HIRA: variants seen among roughly 807,000 people sequenced by gnomAD.
The protein encoded by HIRA is histone cell cycle regulator.
Under a neutral mutation model 126.6 loss-of-function variants are expected in HIRA, and 13 were observed. That is an observed-to-expected ratio of 0.10 (90% CI 0.07 to 0.16). The LOEUF is 0.16. Among genes scored for constraint, HIRA ranks in the 10% least tolerant of loss-of-function variants. HIRA has a pLI of 1.00. For synonymous variants in HIRA, 511 were observed against 520.0 expected (o/e 0.98, Z 0.24); for missense variants, 834 against 1,314.4 (o/e 0.63, Z 5.65).
At chr22:19,429,131 A>ATAT (rs2089510397) in intron 1 of HIRA, among the ~76,000 whole-genome samples, 1 of 119,508 alleles carries the variant, frequency 8.4e-6, no homozygotes, top group Non-Finnish European at 1.7e-5. Flanking sequence ...GAGTTGCCAT[A>ATAT]TCTTTTTTTT....
chr22:19,383,850 T>G, intron 12 of HIRA, 145 bp from the exon 13 acceptor site: 1 of 636,988 alleles, frequency 1.6e-6, no homozygotes, highest in South Asian at 1.9e-5. Context: ...GTATGCAATA[T>G]CATATTGTGA....
At chr22:19,334,723 C>G (rs1341675973) in intron 24 of HIRA, among the ~76,000 whole-genome samples, 2 of 151,986 alleles carry the variant, frequency 1.3e-5, no homozygotes, top group African/African-American at 2.4e-5. Context: ...ACCCGGCAGT[C>G]CTTTTACTTT....
Position 19,354,040 on chromosome 22 carries a change from C to T in HIRA, c.2640G>A (p.Met880Ile). 6.2e-7 allele frequency: 1 copy of T among 1,613,512 alleles called. No individual in the cohort carries two copies. The highest frequency in any genetic ancestry group is 1.1e-5 in the South Asian group (1 of 90,838). The change falls in exon 22 of 25, where the codon ATG becomes ATA. Residue 880 changes from methionine to isoleucine, a missense_variant. Coordinates refer to ENST00000263208, the MANE Select transcript of HIRA (RefSeq NM_003325.4). ...FRSSLPSQDA[M>I]LCSGPLAIIQ... ...TTATGGCTAACGGTCCTGAGCACAG[C>T]ATGGCGTCCTGGGATGGCAGGCTGC...
intron 21 of HIRA, among the ~76,000 whole-genome samples, 189 bp from the exon 22 acceptor site, chr22:19,354,307 G>A (rs2088789193): frequency 6.6e-6 from 1 of 152,208 alleles, no homozygotes; most frequent in African/African-American, 2.4e-5. Context: ...ATGGTAATGG[G>A]TCTGATAGAT....
intron 22 of HIRA, 100 bp from the exon 23 acceptor site, chr22:19,353,619 G>A (rs1037332703): frequency 2.6e-5 from 32 of 1,247,038 alleles, no homozygotes; most frequent in Non-Finnish European, 3.3e-5. Context: ...CAGGAGGCAG[G>A]CACCAGGGCT....
intron 23 of HIRA, among the ~76,000 whole-genome samples, chr22:19,352,288 G>A (rs2088766537): frequency 6.6e-6 from 1 of 152,052 alleles, no homozygotes. Context: ...CAGGGCATCA[G>A]AGCAAGTCCC....
chr22:19,408,486 A>T lies in HIRA; in HGVS notation c.208T>A (p.Leu70Ile). ...PKMLCQMDNH[L>I]ACVNCVRWSN... ...GCAAAGGGCCACTCTGTAATACCTAAGTGATTGTCCATCTGGCAAAGCATC... is the reference window on the plus strand; with the variant it reads ...GCAAAGGGCCACTCTGTAATACCTATGTGATTGTCCATCTGGCAAAGCATC... Residue 70 changes from leucine to isoleucine, a missense_variant, in exon 3 of 25, where the codon TTA becomes ATA. Leu to Ile is a conservative substitution (Grantham distance 5). Coordinates refer to ENST00000263208, the MANE Select transcript of HIRA (RefSeq NM_003325.4). 1 of 1,599,024 alleles carries T rather than the reference A, an allele frequency of 6.3e-7. No individual in the cohort carries two copies. Among genetic ancestry groups the T allele is most frequent in the Non-Finnish European group, 8.6e-7 (1 of 1,166,286 alleles).
intron 9 of HIRA, among the ~76,000 whole-genome samples, chr22:19,389,897 T>C (rs1418598965): frequency 6.6e-6 from 1 of 150,602 alleles, no homozygotes; most frequent in Non-Finnish European, 1.5e-5. Flanking sequence ...CACAGTAATA[T>C]ATTTCTCTAT....
chr22:19,391,823 C>A (rs148989966), intron 9 of HIRA, among the ~76,000 whole-genome samples: 33 of 152,300 alleles, frequency 2.2e-4, no homozygotes, highest in African/African-American at 7.7e-4. Context: ...ACATGCTGCT[C>A]ATGGCATTGA....
intron 1 of HIRA, among the ~76,000 whole-genome samples, chr22:19,418,425 C>A (rs2089416529): frequency 6.6e-6 from 1 of 151,502 alleles, no homozygotes. Flanking sequence ...GAGATTGAGA[C>A]CATCCTGACT....
chr22:19,422,932 C>T (rs1159459040), intron 1 of HIRA, among the ~76,000 whole-genome samples: 1 of 152,126 alleles, frequency 6.6e-6, no homozygotes, highest in Non-Finnish European at 1.5e-5. Flanking sequence ...GCCCTGGTCT[C>T]CCACCCCAAT....
At chr22:19,343,990 G>A (rs2088660758) in intron 24 of HIRA, among the ~76,000 whole-genome samples, 1 of 150,920 alleles carries the variant, frequency 6.6e-6, no homozygotes, top group South Asian at 2.2e-4. Context: ...GGGATTACAG[G>A]TGTGAGCCAC....
chr22:19,403,800 T>C (rs1364551079), intron 5 of HIRA, among the ~76,000 whole-genome samples: 1 of 152,236 alleles, frequency 6.6e-6, no homozygotes, highest in Non-Finnish European at 1.5e-5. Flanking sequence ...AATATTGCTA[T>C]TGTTCTGTAT....
intron 24 of HIRA, among the ~76,000 whole-genome samples, chr22:19,337,843 G>C (rs1282151549): frequency 1.3e-5 from 2 of 152,230 alleles, no homozygotes; most frequent in East Asian, 3.9e-4. Context: ...CCAGGCTGGA[G>C]TGCAGTGGTG....
intron 15 of HIRA, among the ~76,000 whole-genome samples, chr22:19,372,515 C>T (rs113287771): frequency 1.2e-4 from 18 of 151,280 alleles, no homozygotes; most frequent in African/African-American, 4.4e-4. Flanking sequence ...TATTTTCTCC[C>T]ATTCTGTAGG....
In HIRA at chr22:19,351,545, C is replaced by G; in HGVS notation, c.2849-99G>C. ...TAAAATCAAGAATATGTTGTTGTGTCTATCAAATCAGAATAAACACATGCG... is the reference window on the plus strand; with the variant it reads ...TAAAATCAAGAATATGTTGTTGTGTGTATCAAATCAGAATAAACACATGCG... On this transcript the variant is annotated intron_variant, in intron 23 of 24. Transcript: ENST00000263208. This position sits in a 1 kb window ranked among gnomAD's most constrained non-coding sequence, Gnocchi z 4.8. The G allele has an allele frequency of 1.0e-6, 1 of 960,830 alleles. No homozygotes were observed. Among genetic ancestry groups the G allele is most frequent in the Non-Finnish European group, 1.6e-6 (1 of 626,632 alleles). The allele number at this position is 960,830 out of a possible 1,614,324, so 59.5% of individuals were successfully genotyped here.
intron 8 of HIRA, among the ~76,000 whole-genome samples, chr22:19,393,653 G>A (rs2089200683): frequency 6.6e-6 from 1 of 152,140 alleles, no homozygotes; most frequent in Non-Finnish European, 1.5e-5. Context: ...ACCGTGTCCG[G>A]CCGATACTTA....
intron 3 of HIRA, among the ~76,000 whole-genome samples, chr22:19,407,636 CA>C (rs769614453): frequency 6.6e-6 from 1 of 152,106 alleles, no homozygotes; most frequent in South Asian, 2.1e-4. Context: ...AGATTATTCT[CA>C]AAAAAAGAGT....
At chr22:19,331,671 A>G in intron 24 of HIRA, 115 bp from the exon 25 acceptor site, 6 of 985,156 alleles carry the variant, frequency 6.1e-6, no homozygotes, top group Non-Finnish European at 9.1e-6. Flanking sequence ...GGAAAGAACA[A>G]TTCCTCTGCA....
Sources: allele counts gnomAD v4.1 joint callset (sites outside exome capture counted in the v4.1 genomes callset), GRCh38; gene constraint gnomAD v4.1.1; non-coding constraint Gnocchi (gnomAD v3.1); transcripts MANE v1.5; gene names NCBI Gene and HGNC (gene_info 2026-07-23, HGNC 2026-07-21).